Variants in MAP2K5 observed in about 807,000 individuals in gnomAD.
MAP2K5 encodes mitogen-activated protein kinase kinase 5.
A neutral mutation model predicts 83.1 loss-of-function variants in MAP2K5; 49 were observed. That is an observed-to-expected ratio of 0.59 (90% CI 0.47 to 0.75). The LOEUF is 0.75. MAP2K5 is among the 30% of genes least tolerant of loss of function. MAP2K5 has a pLI of 0.00. For synonymous variants in MAP2K5, 202 were observed against 191.8 expected (o/e 1.05, Z -0.44); for missense variants, 457 against 557.5 (o/e 0.82, Z 1.82).
At chr15:67,721,451 C>A (rs558747522) in intron 16 of MAP2K5, among the ~76,000 whole-genome samples, 1 of 152,144 alleles carries the variant, frequency 6.6e-6, no homozygotes, top group Non-Finnish European at 1.5e-5. Context: ...AAAGAAAAAA[C>A]ATTAGTTACA....
At chr15:67,804,565 G>A (rs958051125) in intron 21 of MAP2K5, among the ~76,000 whole-genome samples, 13 of 152,236 alleles carry the variant, frequency 8.5e-5, no homozygotes, top group Admixed American at 2.6e-4. Context: ...CCTGCAGTGC[G>A]GCCATCCGCC....
At chr15:67,649,563 TC>T (rs1435685716) in intron 11 of MAP2K5, among the ~76,000 whole-genome samples, 3 of 152,166 alleles carry the variant, frequency 2.0e-5, no homozygotes, top group Non-Finnish European at 4.4e-5. Context: ...ATACATTTGT[TC>T]CAGTACCGTT....
In MAP2K5 at chr15:67,749,879, G is replaced by A. The variant is rs763321932; in HGVS notation, c.1134+1278G>A. Among the ~76,000 whole-genome samples the A allele has an allele frequency of 6.6e-6, 1 of 152,160 alleles. No individual in the cohort carries two copies. The highest frequency in any genetic ancestry group is 1.5e-5 in the Non-Finnish European group (1 of 68,034). On this transcript the variant is annotated intron_variant, in intron 19 of 21. Transcript: ENST00000178640. This position sits in a 1 kb window ranked among gnomAD's most constrained non-coding sequence, Gnocchi z 4.6. ...TCCCCCTCCAGTTTTGCTTGAGGAA[G>A]TGTCTGGGGAAACTTGCCTACCCAG...
chr15:67,642,566 G>A, intron 9 of MAP2K5: 1 of 895,766 alleles, frequency 1.1e-6, no homozygotes, highest in Non-Finnish European at 1.9e-6. Context: ...TTTTCAATCA[G>A]TGCCTGGAGA....
chr15:67,612,518 A>G (rs547805217), intron 8 of MAP2K5, among the ~76,000 whole-genome samples: 81 of 152,268 alleles, frequency 5.3e-4, no homozygotes, highest in South Asian at 1.7e-3. Context: ...AAGTCACTCA[A>G]ATTCCTTCTT....
intron 8 of MAP2K5, among the ~76,000 whole-genome samples, chr15:67,624,142 A>G (rs966745608): frequency 1.3e-4 from 19 of 151,458 alleles, no homozygotes; most frequent in Non-Finnish European, 2.5e-4. Flanking sequence ...GATCGAGACC[A>G]TCCTGGCTAA....
chr15:67,645,330 A>C (rs977642401), intron 9 of MAP2K5, among the ~76,000 whole-genome samples: 1 of 151,828 alleles, frequency 6.6e-6, no homozygotes, highest in African/African-American at 2.4e-5. Flanking sequence ...AATGCAAAAA[A>C]TTAGCTGGGT....
chr15:67,633,754 A>G (rs1290147252), intron 9 of MAP2K5, among the ~76,000 whole-genome samples: 1 of 152,222 alleles, frequency 6.6e-6, no homozygotes, highest in Non-Finnish European at 1.5e-5. Context: ...TTAAGAGCAG[A>G]TATGATTATT....
intron 15 of MAP2K5, among the ~76,000 whole-genome samples, chr15:67,699,038 G>T (rs2088340408): frequency 6.6e-6 from 1 of 152,006 alleles, no homozygotes; most frequent in Non-Finnish European, 1.5e-5. Context: ...CATAGTAAAA[G>T]GCAATTTAAT....
In MAP2K5 at chr15:67,760,661, A is replaced by C. The variant is rs1204434100; in HGVS notation, c.1135-8941A>C. 6.6e-6 allele frequency among the ~76,000 whole-genome samples: 1 copy of C among 151,940 alleles called. No homozygotes were observed. Among genetic ancestry groups the C allele is most frequent in the African/African-American group, 2.4e-5 (1 of 41,344 alleles). ...AGTAGCTTTGTGTTATTTCCTTTGA[A>C]TTGTCCATGAAGCCTGATGTATTAT... On this transcript the variant is annotated intron_variant, in intron 19 of 21. Transcript: ENST00000178640. This position sits in a 1 kb window ranked among gnomAD's most constrained non-coding sequence, Gnocchi z 4.1.
Position 67,738,695 on chromosome 15 carries a change from A to T in MAP2K5, c.1075-9536A>T, listed in dbSNP as rs1251766857. Among the ~76,000 whole-genome samples, 2 of 152,220 alleles carry T rather than the reference A, an allele frequency of 1.3e-5. No homozygotes were observed. Among genetic ancestry groups the T allele is most frequent in the African/African-American group, 4.8e-5 (2 of 41,456 alleles). Reference sequence around the variant, plus strand: ...GAGATGGGGATCCACCCACATACACATGTACACACAACCACACGAGCAGCT... The same window carrying T: ...GAGATGGGGATCCACCCACATACACTTGTACACACAACCACACGAGCAGCT... On this transcript the variant is annotated intron_variant, in intron 17 of 21. Transcript: ENST00000178640. This position sits in a 1 kb window ranked among gnomAD's most constrained non-coding sequence, Gnocchi z 4.1.
At chr15:67,627,297 A>G (rs1199051432) in intron 8 of MAP2K5, among the ~76,000 whole-genome samples, 2 of 152,190 alleles carry the variant, frequency 1.3e-5, no homozygotes, top group Non-Finnish European at 2.9e-5. Context: ...TGAGGTTGTT[A>G]TTTGAGAATA....
intron 2 of MAP2K5, among the ~76,000 whole-genome samples, chr15:67,560,409 A>G (rs17300356): frequency 0.12 from 18,383 of 152,292 alleles, 1,226 homozygotes; most frequent in East Asian, 0.2. Flanking sequence ...ACAGTCTCCC[A>G]AAGAGCAGTT....
rs1213964673 is a variant in MAP2K5 at position 67,748,971 on chromosome 15, G to A, written c.1134+370G>A. ...CATTCAGTAGGCAAGGGTCAGAGTT[G>A]AAGAGCAAGCATAAGCTGGATGAAA... is the stretch of plus-strand genomic sequence containing the variant. On this transcript the variant is annotated intron_variant, in intron 19 of 21. Transcript: ENST00000178640. This position sits in a 1 kb window ranked among gnomAD's most constrained non-coding sequence, Gnocchi z 4.0. Among the ~76,000 whole-genome samples, 1 of 152,176 alleles carries A rather than the reference G, an allele frequency of 6.6e-6. No homozygotes were observed. Among genetic ancestry groups the A allele is most frequent in the Non-Finnish European group, 1.5e-5 (1 of 68,032 alleles).
Position 67,577,092 on chromosome 15 carries a change from T to C in MAP2K5, c.253-3662T>C, listed in dbSNP as rs2678678. On this transcript the variant is annotated intron_variant, in intron 3 of 21. Transcript: ENST00000178640. The surrounding 1 kb of genome is among the most constrained non-coding windows in gnomAD (Gnocchi z 4.1). ...CTGGGACTACAGGCGCCCGCCACCG[T>C]GCCCGGCTAATTTTTTGTATTTTTA... Among the ~76,000 whole-genome samples the C allele has an allele frequency of 1, 147,126 of 147,538 alleles. 73,364 individuals are homozygous for C. Among genetic ancestry groups the C allele is most frequent in the Middle Eastern group, 1 (292 of 292 alleles).
chr15:67,722,174 C>G lies in MAP2K5; in HGVS notation c.1045-5742C>G, dbSNP rs971838437. Among the ~76,000 whole-genome samples, 1 of 152,102 alleles carries G rather than the reference C, an allele frequency of 6.6e-6. No individual in the cohort carries two copies. On this transcript the variant is annotated intron_variant, in intron 16 of 21. Transcript: ENST00000178640. This position sits in a 1 kb window ranked among gnomAD's most constrained non-coding sequence, Gnocchi z 4.2. Reference sequence around the variant, plus strand: ...TGTCACTTCATCAGTCTCTGTTACTCGCACTTATGCCCCTCCACAGGGGTT... The same window carrying G: ...TGTCACTTCATCAGTCTCTGTTACTGGCACTTATGCCCCTCCACAGGGGTT...
In MAP2K5 at chr15:67,636,732, T is replaced by G. The variant is rs1184255231; in HGVS notation, c.585+5805T>G. ...ATATTTTTGAACTTTATTCTGAGAT[T>G]GTGGTGGGTAATATTGAGTGTTAAC... is the stretch of plus-strand genomic sequence containing the variant. On this transcript the variant is annotated intron_variant, in intron 9 of 21. Coordinates refer to ENST00000178640, the MANE Select transcript of MAP2K5 (RefSeq NM_145160.3). The surrounding 1 kb of genome is among the most constrained non-coding windows in gnomAD (Gnocchi z 4.7). Among the ~76,000 whole-genome samples the G allele has an allele frequency of 6.6e-6, 1 of 152,182 alleles. No individual in the cohort carries two copies. The highest frequency in any genetic ancestry group is 2.4e-5 in the African/African-American group (1 of 41,440).
At chr15:67,704,829 G>A (rs1336990848) in intron 16 of MAP2K5, among the ~76,000 whole-genome samples, 2 of 152,092 alleles carry the variant, frequency 1.3e-5, no homozygotes, top group Admixed American at 1.3e-4. Context: ...ATTTTAAATT[G>A]TTATCATTTA....
At chr15:67,674,725 GA>G (rs1333201159) in intron 13 of MAP2K5, among the ~76,000 whole-genome samples, 1 of 152,054 alleles carries the variant, frequency 6.6e-6, no homozygotes, top group Non-Finnish European at 1.5e-5. Flanking sequence ...TATGTGCCTA[GA>G]ATATATAAAG....
Sources: gnomAD v4.1 joint callset for allele counts (sites outside exome capture counted in the v4.1 genomes callset) on GRCh38, gnomAD v4.1.1 for gene constraint, Gnocchi (gnomAD v3.1) non-coding constraint, MANE v1.5 for transcripts, NCBI Gene and HGNC (gene_info 2026-07-23, HGNC 2026-07-21) for gene names.